The following ATP8A1 variants were observed in gnomAD, a reference collection of about 807,000 sequenced individuals.
ATP8A1 encodes phospholipid-transporting ATPase IA.
Under a neutral mutation model 177.7 loss-of-function variants are expected in ATP8A1, and 90 were observed. The ratio of observed to expected loss-of-function variants is 0.51; its 90% confidence interval spans 0.43 to 0.60. The LOEUF (loss-of-function observed/expected upper bound fraction) is 0.60, where lower values mean the gene tolerates loss of function less well. Among genes scored for constraint, ATP8A1 ranks in the 20% least tolerant of loss-of-function variants. The pLI, the probability that ATP8A1 is intolerant of heterozygous loss-of-function variation, is 0.00. For synonymous variants in ATP8A1, 493 were observed against 485.9 expected (o/e 1.01, Z -0.19); for missense variants, 1,072 against 1,392.8 (o/e 0.77, Z 3.67).
intron 5 of ATP8A1, among the ~76,000 whole-genome samples, chr4:42,614,921 C>G (rs34639626): frequency 0.19 from 28,728 of 152,176 alleles, 2,808 homozygotes; most frequent in Non-Finnish European, 0.21. Flanking sequence ...AGATACACCA[C>G]AGTTTTCTCT....
intron 16 of ATP8A1, among the ~76,000 whole-genome samples, chr4:42,555,420 T>C (rs111500939): frequency 1.2e-4 from 19 of 152,166 alleles, no homozygotes; most frequent in African/African-American, 3.1e-4. Flanking sequence ...ATGAAACAAT[T>C]TGAAAAGACA....
chr4:42,525,701 C>T (rs1176154967), intron 20 of ATP8A1, among the ~76,000 whole-genome samples: 1 of 152,056 alleles, frequency 6.6e-6, no homozygotes, highest in East Asian at 1.9e-4. Context: ...AGTGTTCAAC[C>T]TTCACGGTTT....
At chr4:42,481,721 T>G (rs1234791931) in intron 25 of ATP8A1, among the ~76,000 whole-genome samples, 1 of 152,214 alleles carries the variant, frequency 6.6e-6, no homozygotes, top group Non-Finnish European at 1.5e-5. Context: ...TCAGTGAGTC[T>G]GTAAAACCCC....
intron 20 of ATP8A1, among the ~76,000 whole-genome samples, chr4:42,526,215 CCTT>C (rs71648734): frequency 0.31 from 46,991 of 151,796 alleles, 8,571 homozygotes; most frequent in East Asian, 0.56. Context: ...TAATTTTCTA[CCTT>C]CTTTATAGTG....
intron 30 of ATP8A1, among the ~76,000 whole-genome samples, chr4:42,448,792 T>C (rs1177297126): frequency 6.6e-6 from 1 of 151,238 alleles, no homozygotes; most frequent in African/African-American, 2.4e-5. Flanking sequence ...CTGTACTTTA[T>C]TGCATTAAAA....
At chr4:42,533,068 C>A (rs143488321) in intron 20 of ATP8A1, among the ~76,000 whole-genome samples, 2 of 152,330 alleles carry the variant, frequency 1.3e-5, no homozygotes, top group Non-Finnish European at 2.9e-5. Flanking sequence ...GTTTGGTGAA[C>A]TCTCTTCACA....
intron 35 of ATP8A1, among the ~76,000 whole-genome samples, chr4:42,420,607 C>A (rs930897697): frequency 2.0e-5 from 3 of 151,978 alleles, no homozygotes; most frequent in Non-Finnish European, 4.4e-5. Flanking sequence ...TGGTAGACAA[C>A]AAAAAGACAA....
intron 33 of ATP8A1, among the ~76,000 whole-genome samples, chr4:42,442,006 T>C (rs1716697482): frequency 6.6e-6 from 1 of 152,212 alleles, no homozygotes; most frequent in East Asian, 1.9e-4. Context: ...TATTAAGTTT[T>C]GTGTTTGGGT....
At chr4:42,612,343 G>C (rs1172369074) in intron 5 of ATP8A1, among the ~76,000 whole-genome samples, 1 of 150,482 alleles carries the variant, frequency 6.6e-6, no homozygotes, top group Non-Finnish European at 1.5e-5. Context: ...CACCTACTAA[G>C]ACAGGATCCT....
chr4:42,643,949 C>T (rs1247689233), intron 1 of ATP8A1, among the ~76,000 whole-genome samples: 1 of 152,152 alleles, frequency 6.6e-6, no homozygotes. Flanking sequence ...TTAAAGATAG[C>T]TTCAAGCGTA....
intron 33 of ATP8A1, among the ~76,000 whole-genome samples, chr4:42,434,732 T>A (rs886589985): frequency 1.3e-5 from 2 of 152,192 alleles, no homozygotes; most frequent in Non-Finnish European, 2.9e-5. Flanking sequence ...ATTGGTAATG[T>A]CTAAGAAGGA....
intron 24 of ATP8A1, among the ~76,000 whole-genome samples, chr4:42,497,010 G>A (rs1723344192): frequency 6.6e-6 from 1 of 152,140 alleles, no homozygotes; most frequent in South Asian, 2.1e-4. Flanking sequence ...GTAGGAAAAT[G>A]GGAAAGGGGG....
At chr4:42,446,017 C>A (rs1296439195) in intron 31 of ATP8A1, among the ~76,000 whole-genome samples, 3 of 140,970 alleles carry the variant, frequency 2.1e-5, no homozygotes, top group African/African-American at 7.9e-5. Flanking sequence ...GAGGCAGAGG[C>A]TGCAGTGAGC....
At chr4:42,547,534 TG>T (rs1358920541) in intron 19 of ATP8A1, among the ~76,000 whole-genome samples, 1 of 152,210 alleles carries the variant, frequency 6.6e-6, no homozygotes, top group East Asian at 1.9e-4. Context: ...TTTCTAAGTG[TG>T]GTTTAAAAAA....
At chr4:42,481,843 T>C (rs1179363009) in intron 25 of ATP8A1, among the ~76,000 whole-genome samples, 1 of 152,174 alleles carries the variant, frequency 6.6e-6, no homozygotes, top group African/African-American at 2.4e-5. Context: ...CACCAAATCA[T>C]GAGAATCAGT....
In ATP8A1 at chr4:42,549,044, A is replaced by G. The variant is rs1729214875; in HGVS notation, c.1621T>C (p.Tyr541His). 3 of 1,612,226 alleles carry G rather than the reference A, an allele frequency of 1.9e-6. No homozygotes were observed. Among genetic ancestry groups the G allele is most frequent in the African/African-American group, 2.7e-5 (2 of 74,886 alleles). ...IIDSLGQEERYELLNVLEFTS... is the reference protein window; with the variant it reads ...IIDSLGQEERHELLNVLEFTS... ...AACTCCAAGACATTGAGCAATTCAT[A>G]TCTTTCTTCCTGCCCCAGCTAAGAA... Residue 541 changes from tyrosine to histidine, a missense_variant, in exon 19 of 37, where the codon TAT (tyrosine) becomes CAT (histidine). By Grantham distance (83) the Tyr-to-His change is moderately conservative. This residue lies in a region of ATP8A1 where 388 missense variants were observed against 471.7 expected (regional missense o/e 0.82). Transcript: ENST00000381668.
chr4:42,656,690 T>C (rs1741663435), intron 1 of ATP8A1, 135 bp downstream of exon 1: 1 of 1,093,036 alleles, frequency 9.1e-7, no homozygotes, highest in South Asian at 2.0e-5. Flanking sequence ...AAGGGTCCCC[T>C]AGGGGCCGGG....
At chr4:42,632,216 G>A (rs963102087) in intron 1 of ATP8A1, among the ~76,000 whole-genome samples, 1 of 152,074 alleles carries the variant, frequency 6.6e-6, no homozygotes, top group East Asian at 1.9e-4. Flanking sequence ...GTTCTCCAAG[G>A]TCTGTAACTT....
intron 24 of ATP8A1, among the ~76,000 whole-genome samples, chr4:42,487,222 G>C (rs1459568310): frequency 6.6e-6 from 1 of 152,120 alleles, no homozygotes; most frequent in Admixed American, 6.6e-5. Flanking sequence ...TTCACTTTCA[G>C]GGACAATAAA....
Sources: gnomAD v4.1 joint callset for allele counts (sites outside exome capture counted in the v4.1 genomes callset) on GRCh38, gnomAD v4.1.1 for gene constraint, gnomAD v4.1.1 regional missense constraint, MANE v1.5 for transcripts, NCBI Gene and HGNC (gene_info 2026-07-23, HGNC 2026-07-21) for gene names.